Variants in DNAJC6 observed in about 807,000 individuals in gnomAD.
DNAJC6 encodes DnaJ heat shock protein family (Hsp40) member C6.
A neutral mutation model predicts 110.0 loss-of-function variants in DNAJC6; 34 were observed. That is an observed-to-expected ratio of 0.31 (90% CI 0.24 to 0.41). The LOEUF (loss-of-function observed/expected upper bound fraction) is 0.41. Ranked by LOEUF, DNAJC6 falls within the 10% of genes least tolerant of loss-of-function variation. DNAJC6 has a pLI of 1.00. For synonymous variants in DNAJC6, 406 were observed against 437.2 expected, an observed-to-expected ratio of 0.93 and a Z score of 0.89; for missense variants, 1,031 against 1,207.8, an observed-to-expected ratio of 0.85 and a Z score of 2.17.
upstream of DNAJC6, among the ~76,000 whole-genome samples, chr1:65,305,213 C>T (rs1645026462): frequency 6.6e-6 from 1 of 152,134 alleles, no homozygotes; most frequent in African/African-American, 2.4e-5. Context: ...CTTTGTGGTC[C>T]AATTAGCCAA....
At chr1:65,286,259 CT>C in intron 1 of DNAJC6, among the ~76,000 whole-genome samples, 1 of 147,900 alleles carries the variant, frequency 6.8e-6, no homozygotes, top group African/African-American at 2.5e-5. Flanking sequence ...TTTTTTTTTT[CT>C]TTTTGAGATA....
At chr1:65,277,727 C>A (rs879306434) in intron 1 of DNAJC6, among the ~76,000 whole-genome samples, 13 of 152,120 alleles carry the variant, frequency 8.5e-5, no homozygotes, top group Non-Finnish European at 1.6e-4. Context: ...GAGCTGGTGC[C>A]CTCGCGGGCA....
intron 1 of DNAJC6, among the ~76,000 whole-genome samples, chr1:65,268,128 G>A (rs1179145051): frequency 6.6e-6 from 1 of 152,160 alleles, no homozygotes; most frequent in Non-Finnish European, 1.5e-5. Context: ...AGGTTGATGG[G>A]GCAAAGAAAT....
chr1:65,348,644 T>G (rs911813030), intron 1 of DNAJC6, among the ~76,000 whole-genome samples: 5 of 152,180 alleles, frequency 3.3e-5, no homozygotes, highest in African/African-American at 1.2e-4. Context: ...TTAACCTATC[T>G]GTAACTTTGT....
At position 65,309,953 on chromosome 1, in the gene DNAJC6, G is replaced by A; in HGVS notation, c.193+15G>A. The A allele has an allele frequency of 7.0e-7, 1 of 1,432,048 alleles. No individual in the cohort carries two copies. The highest frequency in any genetic ancestry group is 9.1e-7 in the Non-Finnish European group (1 of 1,093,654). The allele number at this position is 1,432,048 out of a possible 1,614,324, so 88.7% of individuals were successfully genotyped here. A position where few individuals can be genotyped will look rare whatever the true frequency, so the allele number is the denominator to read the frequency against. On this transcript the variant is annotated intron_variant, in intron 1 of 18. Coordinates refer to ENST00000371069, the MANE Select transcript of DNAJC6 (RefSeq NM_001256864.2). ...GGACAGCTCAGGTAGCGCTGCCCGA[G>A]GGGAGTGCAGCGCTGAGCCCCGCGC...
chr1:65,394,572 T>C lies in DNAJC6; in HGVS notation c.1904-326T>C, dbSNP rs75506163. 0.01 allele frequency among the ~76,000 whole-genome samples: 1,598 copies of C among 152,334 alleles called. 21 individuals carry two copies. The highest frequency in any genetic ancestry group is 0.037 in the African/African-American group (1,544 of 41,564). ...GTTTAACATAAATTGATATTTTAAA[T>C]GTACTGAGTATGGTAAGAAGGGATA... is the stretch of plus-strand genomic sequence containing the variant. On this transcript the variant is annotated intron_variant, in intron 12 of 18. Transcript: ENST00000371069.
Position 65,392,610 on chromosome 1 carries a change from C to T in DNAJC6, c.1648C>T (p.Pro550Ser). The change falls in exon 12 of 19, where the codon CCC becomes TCC. Residue 550 changes from proline to serine, a missense_variant. Physicochemically the swap from Pro to Ser is moderately conservative, Grantham distance 74. Coordinates refer to ENST00000371069, the MANE Select transcript of DNAJC6 (RefSeq NM_001256864.2). ...KKQQEPAAPP[P>S]PEDVDLLGLE... ...GCAGCAGGAGCCAGCAGCCCCTCCA[C>T]CCCCTGAGGATGTGGACCTTTTGGG... is the stretch of plus-strand genomic sequence containing the variant. The T allele has an allele frequency of 3.7e-6, 6 of 1,614,032 alleles. No homozygotes were observed. The highest frequency in any genetic ancestry group is 5.1e-6 in the Non-Finnish European group (6 of 1,179,968).
chr1:65,331,898 T>A (rs1359575182), intron 1 of DNAJC6, among the ~76,000 whole-genome samples: 1 of 152,198 alleles, frequency 6.6e-6, no homozygotes, highest in Non-Finnish European at 1.5e-5. Context: ...ACTTATTCCA[T>A]GTGGTAATGT....
At chr1:65,330,368 C>T (rs919250441) in intron 1 of DNAJC6, among the ~76,000 whole-genome samples, 1 of 152,144 alleles carries the variant, frequency 6.6e-6, no homozygotes, top group African/African-American at 2.4e-5. Context: ...TCTTTGTGCA[C>T]ATTGTCTACA....
At chr1:65,307,006 C>CTATA (rs1164753556), upstream of DNAJC6, among the ~76,000 whole-genome samples, 7 of 98,792 alleles carry the variant, frequency 7.1e-5, no homozygotes, top group East Asian at 4.2e-4. Flanking sequence ...CTCTCTCTCT[C>CTATA]TCTCTCTCTC....
chr1:65,415,727 T>C lies in DNAJC6; in HGVS notation c.*2702T>C, dbSNP rs1207598973. 6.6e-6 allele frequency: 1 copy of C among 152,242 alleles called. No homozygotes were observed. The highest frequency in any genetic ancestry group is 1.5e-5 in the Non-Finnish European group (1 of 68,044). The allele number at this position is 152,242 out of a possible 1,614,324, so 9.4% of individuals were successfully genotyped here. On this transcript the variant is annotated 3_prime_UTR_variant, in exon 19 of 19. Coordinates refer to ENST00000371069, the MANE Select transcript of DNAJC6 (RefSeq NM_001256864.2). ...AAGCATTTGACCTGTCACTGTACTA[T>C]CTACATGTGGAAGAATGTTCAAGTT... is the stretch of plus-strand genomic sequence containing the variant.
At chr1:65,333,305 C>T (rs540170910) in intron 1 of DNAJC6, among the ~76,000 whole-genome samples, 23 of 152,150 alleles carry the variant, frequency 1.5e-4, no homozygotes, top group Non-Finnish European at 2.8e-4. Flanking sequence ...TAAATGGACT[C>T]GTAGGTGGAG....
chr1:65,392,801 C>T lies in DNAJC6; in HGVS notation c.1839C>T (p.Thr613=). 6.3e-7 allele frequency: 1 copy of T among 1,588,950 alleles called. No homozygotes were observed. The highest frequency in any genetic ancestry group is 8.6e-7 in the Non-Finnish European group (1 of 1,169,038). ...DVFHPSGPAS[T]QSTPRRSATS... Reference sequence around the variant, plus strand: ...TTCATCCTAGTGGACCTGCGTCTACCCAGTCAACACCACGCCGCTCTGCCA... The same window carrying T: ...TTCATCCTAGTGGACCTGCGTCTACTCAGTCAACACCACGCCGCTCTGCCA... Residue 613 remains threonine, a synonymous_variant, in exon 12 of 19, where the codon ACC becomes ACT. Transcript: ENST00000371069.
At position 65,377,721 on chromosome 1, in the gene DNAJC6, T is replaced by G. The variant is rs1415428740; in HGVS notation, c.544-1681T>G. Among the ~76,000 whole-genome samples, 3 of 152,178 alleles carry G rather than the reference T, an allele frequency of 2.0e-5. No homozygotes were observed. The East Asian group carries it at 5.8e-4, about 29-fold the overall frequency. On this transcript the variant is annotated intron_variant, in intron 4 of 18. Coordinates refer to ENST00000371069, the MANE Select transcript of DNAJC6 (RefSeq NM_001256864.2). ...AATGTGTTTGCTTTTAGACGTCAGC[T>G]CTACCAAGAGCACAGATAATTTCCT...
intron 1 of DNAJC6, among the ~76,000 whole-genome samples, chr1:65,299,492 G>A (rs553422362): frequency 6.6e-6 from 1 of 152,340 alleles, no homozygotes; most frequent in South Asian, 2.1e-4. Flanking sequence ...ATGAGATGGA[G>A]TGATCACTGG....
chr1:65,338,870 C>T (rs1471325599), intron 1 of DNAJC6, among the ~76,000 whole-genome samples: 1 of 152,154 alleles, frequency 6.6e-6, no homozygotes, highest in Non-Finnish European at 1.5e-5. Flanking sequence ...TAGAATTGAA[C>T]CACCTGGCCC....
chr1:65,313,492 A>G (rs899487661), intron 1 of DNAJC6, among the ~76,000 whole-genome samples: 9 of 152,172 alleles, frequency 5.9e-5, no homozygotes, highest in African/African-American at 1.7e-4. Context: ...TCAATTTATC[A>G]TATGAAGAAA....
chr1:65,319,043 A>G (rs540796488), intron 1 of DNAJC6, among the ~76,000 whole-genome samples: 1 of 152,274 alleles, frequency 6.6e-6, no homozygotes, highest in East Asian at 1.9e-4. Context: ...GGGCAGTGTC[A>G]GTGAGACTGG....
intron 1 of DNAJC6, chr1:65,265,029 T>A: frequency 1.8e-6 from 2 of 1,125,270 alleles, no homozygotes; most frequent in Non-Finnish European, 2.6e-6. Flanking sequence ...TAGTTTGTAT[T>A]AATGGCTAGT....
Sources: allele counts gnomAD v4.1 joint callset (sites outside exome capture counted in the v4.1 genomes callset), GRCh38; gene constraint gnomAD v4.1.1; transcripts MANE v1.5; gene names NCBI Gene and HGNC (gene_info 2026-07-23, HGNC 2026-07-21).